The following ME2 variants were observed in gnomAD, a reference collection of about 807,000 sequenced individuals.
The protein encoded by ME2 is NAD-dependent malic enzyme, mitochondrial.
Under a neutral mutation model 73.7 loss-of-function variants are expected in ME2, and 60 were observed. That is an observed-to-expected ratio of 0.81 (90% CI 0.66 to 1.01). The LOEUF (loss-of-function observed/expected upper bound fraction) is 1.01. ME2 is among the 50% of genes least tolerant of loss of function. The pLI, the probability that ME2 is intolerant of heterozygous loss-of-function variation, is 0.00. For missense variants in ME2, 594 were observed against 705.5 expected, an observed-to-expected ratio of 0.84 and a Z score of 1.79; for synonymous variants, 199 against 236.9, an observed-to-expected ratio of 0.84 and a Z score of 1.47.
At chr18:50,928,423 A>G (rs1173574612) in intron 12 of ME2, among the ~76,000 whole-genome samples, 6 of 151,324 alleles carry the variant, frequency 4.0e-5, no homozygotes, top group Non-Finnish European at 5.9e-5. Context: ...TATTTTTAGT[A>G]GATATGGGGT....
intron 7 of ME2, among the ~76,000 whole-genome samples, chr18:50,919,111 T>C (rs1291321029): frequency 3.3e-5 from 5 of 152,140 alleles, no homozygotes; most frequent in African/African-American, 4.8e-5. Context: ...CTTAAATGTC[T>C]CCTGTTTTCC....
intron 13 of ME2, among the ~76,000 whole-genome samples, chr18:50,938,191 G>C (rs146344967): frequency 6.6e-6 from 1 of 152,100 alleles, no homozygotes; most frequent in South Asian, 2.1e-4. Flanking sequence ...AGCCAGGTGC[G>C]ATGGTACATG....
intron 5 of ME2, 113 bp downstream of exon 5, chr18:50,916,356 A>C: frequency 1.3e-6 from 1 of 776,392 alleles, no homozygotes; most frequent in Non-Finnish European, 2.1e-6. Flanking sequence ...GCACTTATAT[A>C]CATGCAGATT....
rs57428974 is a variant in ME2, at chr18:50,941,353, C to CTTTTTTTTTTT, written c.1587+988_1587+998dup. On this transcript the variant is annotated intron_variant, in intron 15 of 15. Coordinates refer to ENST00000321341, the MANE Select transcript of ME2 (RefSeq NM_002396.5). ...TCTTTGTGTGTATTTGTGATGGTTT[C>CTTTTTTTTTTT]TTTTTTTTTTTTTTTTTTTTTTTTT... 1.6e-3 allele frequency among the ~76,000 whole-genome samples: 102 copies of CTTTTTTTTTTT among 63,846 alleles called. 20 individuals are homozygous for CTTTTTTTTTTT. Among genetic ancestry groups the CTTTTTTTTTTT allele is most frequent in the African/African-American group, 4.0e-3 (50 of 12,428 alleles). 41.9% of individuals were successfully genotyped at this position (63,846 alleles called of 152,430 possible).
chr18:50,940,285 C>G lies in ME2; in HGVS notation c.1489-3C>G. On this transcript the variant is annotated splice_polypyrimidine_tract_variant and splice_region_variant and intron_variant, in intron 14 of 15. Transcript: ENST00000321341. ...AAAAGCAAAATGCTGTTTTTCTCTT[C>G]AGGCCCTGACAAGCCAATTGACAGA... 1 of 1,597,292 alleles carries G rather than the reference C, an allele frequency of 6.3e-7. No homozygotes were observed. The highest frequency in any genetic ancestry group is 2.2e-5 in the East Asian group (1 of 44,684).
chr18:50,929,977 T>C (rs1285236326), intron 12 of ME2, among the ~76,000 whole-genome samples: 1 of 152,242 alleles, frequency 6.6e-6, no homozygotes, highest in Non-Finnish European at 1.5e-5. Context: ...TTGGAATAAA[T>C]AAAAATTCCC....
chr18:50,927,751 T>TATATATATATATATATACACAC (rs1316314513), intron 12 of ME2, among the ~76,000 whole-genome samples: 2 of 123,306 alleles, frequency 1.6e-5, no homozygotes, highest in African/African-American at 6.7e-5. Flanking sequence ...TATATATATA[T>TATATATATATATATATACACAC]ACACACCACA....
Position 50,953,156 on chromosome 18 carries a change from G to A in ME2, c.*5972G>A, listed in dbSNP as rs551240989. The A allele has an allele frequency of 9.4e-5, 14 of 148,252 alleles. No homozygotes were observed. The highest frequency in any genetic ancestry group is 3.5e-4 in the African/African-American group (14 of 39,608). The allele number at this position is 148,252 out of a possible 1,614,324, so 9.2% of individuals were successfully genotyped here. On this transcript the variant is annotated 3_prime_UTR_variant, in exon 16 of 16. Coordinates refer to ENST00000321341, the MANE Select transcript of ME2 (RefSeq NM_002396.5). ...GCTCTGTCTCCCAGGCTGGAGTGCA[G>A]TGGCGCAATCTCAGCTCACTGCAAG...
intron 15 of ME2, among the ~76,000 whole-genome samples, chr18:50,940,966 T>C (rs1488085499): frequency 1.3e-5 from 2 of 152,096 alleles, no homozygotes; most frequent in Non-Finnish European, 2.9e-5. Flanking sequence ...TTGTTAGAAA[T>C]AACACTGTAG....
intron 15 of ME2, among the ~76,000 whole-genome samples, chr18:50,945,871 A>G (rs1918069631): frequency 6.6e-6 from 1 of 152,136 alleles, no homozygotes; most frequent in Admixed American, 6.5e-5. Context: ...GTTCAGGAGC[A>G]GCCTAGCCAA....
intron 9 of ME2, 39 bp from the exon 10 acceptor site, chr18:50,921,035 T>C (rs200918537): frequency 2.1e-5 from 20 of 970,870 alleles, no homozygotes; most frequent in Non-Finnish European, 3.1e-5. Context: ...CATTGCATCG[T>C]ACTCTAGTAT....
At chr18:50,892,579 A>G (rs1916632114) in intron 1 of ME2, among the ~76,000 whole-genome samples, 1 of 152,146 alleles carries the variant, frequency 6.6e-6, no homozygotes, top group Non-Finnish European at 1.5e-5. Context: ...TATAATTTGT[A>G]TTAGTATTGT....
intron 12 of ME2, among the ~76,000 whole-genome samples, chr18:50,929,596 T>C (rs76218971): frequency 1.3e-5 from 2 of 152,296 alleles, no homozygotes; most frequent in Non-Finnish European, 2.9e-5. Context: ...TAAATTCTCA[T>C]GACTGTTAGT....
At chr18:50,891,748 G>C (rs1010439490) in intron 1 of ME2, among the ~76,000 whole-genome samples, 1 of 151,958 alleles carries the variant, frequency 6.6e-6, no homozygotes, top group Admixed American at 6.6e-5. Flanking sequence ...ACAAATTTGT[G>C]GGGGGCATTG....
intron 11 of ME2, among the ~76,000 whole-genome samples, chr18:50,925,063 G>A (rs957588352): frequency 1.3e-5 from 2 of 151,726 alleles, no homozygotes; most frequent in African/African-American, 2.4e-5. Context: ...TCATATAAAT[G>A]GAATGACATG....
At chr18:50,893,187 TA>T (rs1282954730) in intron 1 of ME2, among the ~76,000 whole-genome samples, 1 of 123,720 alleles carries the variant, frequency 8.1e-6, no homozygotes, top group East Asian at 2.4e-4. Flanking sequence ...TATTATAAAA[TA>T]ATAAGCATAA....
rs564708465 is a variant in ME2, at chr18:50,952,793, G to T, written c.*5609G>T. 1.3e-5 allele frequency: 2 copies of T among 152,228 alleles called. No individual in the cohort carries two copies. The highest frequency in any genetic ancestry group is 1.9e-4 in the East Asian group (1 of 5,174). The allele number at this position is 152,228 out of a possible 1,614,324, so 9.4% of individuals were successfully genotyped here. On this transcript the variant is annotated 3_prime_UTR_variant, in exon 16 of 16. Coordinates refer to ENST00000321341, the MANE Select transcript of ME2 (RefSeq NM_002396.5). ...CCATTGGATTATCACCAACACATTT[G>T]GTATATACAGTGGGCCGATAATGAC... is the stretch of plus-strand genomic sequence containing the variant.
In ME2 at chr18:50,947,383, G is replaced by A. The variant is rs12277; in HGVS notation, c.*199G>A. 0.64 allele frequency: 358,562 copies of A among 559,414 alleles called. 116,060 individuals carry two copies. The highest frequency in any genetic ancestry group is 0.77 in the South Asian group (32,405 of 42,180). The allele number at this position is 559,414 out of a possible 1,614,324, so 34.7% of individuals were successfully genotyped here. ...TTGCATTGCCCACCAGCACCCTACA[G>A]TCAGATAGTTGTGATGCTTTAATTC... is the stretch of plus-strand genomic sequence containing the variant. On this transcript the variant is annotated 3_prime_UTR_variant, in exon 16 of 16. Transcript: ENST00000321341.
intron 1 of ME2, among the ~76,000 whole-genome samples, chr18:50,882,415 G>T (rs1204092701): frequency 6.6e-6 from 1 of 152,094 alleles, no homozygotes; most frequent in East Asian, 1.9e-4. Context: ...TGATGCTATT[G>T]TAAAGCTCTA....
Sources: allele counts gnomAD v4.1 joint callset (sites outside exome capture counted in the v4.1 genomes callset), GRCh38; gene constraint gnomAD v4.1.1; transcripts MANE v1.5; gene names NCBI Gene and HGNC (gene_info 2026-07-23, HGNC 2026-07-21).